Variants in CLEC4C observed in about 807,000 individuals in gnomAD.
CLEC4C encodes C-type lectin domain family 4 member C.
CLEC4C carries 17 observed loss-of-function variants against 27.7 expected under a neutral mutation model. The observed-to-expected ratio is 0.61, with a 90% confidence interval of 0.42 to 0.92. CLEC4C has a LOEUF of 0.92. CLEC4C is among the 40% of genes least tolerant of loss of function. The pLI is 0.00. For missense variants in CLEC4C, 244 were observed against 257.3 expected, an observed-to-expected ratio of 0.95 and a Z score of 0.35; for synonymous variants, 80 against 80.8, an observed-to-expected ratio of 0.99 and a Z score of 0.06.
chr12:7,748,442 C>T (rs1332651981), upstream of CLEC4C, among the ~76,000 whole-genome samples: 1 of 152,020 alleles, frequency 6.6e-6, no homozygotes, highest in Non-Finnish European at 1.5e-5. Context: ...AGGAAAATTG[C>T]TTGAACCCGG....
chr12:7,748,354 C>T (rs1314211370), upstream of CLEC4C, among the ~76,000 whole-genome samples: 2 of 152,002 alleles, frequency 1.3e-5, no homozygotes, highest in Non-Finnish European at 2.9e-5. Context: ...GGTGAAACCC[C>T]GTTTCTACTA....
chr12:7,741,351 G>T, intron 3 of CLEC4C, 70 bp downstream of exon 3: 1 of 861,476 alleles, frequency 1.2e-6, no homozygotes, highest in Non-Finnish European at 2.0e-6. Context: ...TAGTGCTGAA[G>T]ATATAAACCA....
chr12:7,741,548 G>T lies in CLEC4C; in HGVS notation c.125-17C>A, dbSNP rs375630589. On this transcript the variant is annotated splice_polypyrimidine_tract_variant and intron_variant, in intron 2 of 5. Transcript: ENST00000360345. ...TGTGAGGCACTGGGAAAGAGAAATC[G>T]GAGTTAGTTCTCATTCTTTTAAGTG... 6.7e-6 allele frequency: 9 copies of T among 1,345,586 alleles called. No individual in the cohort carries two copies. Among genetic ancestry groups the T allele is most frequent in the Non-Finnish European group, 8.6e-6 (8 of 934,852 alleles). The allele number at this position is 1,345,586 out of a possible 1,614,324, so 83.4% of individuals were successfully genotyped here. A position where few individuals can be genotyped will look rare whatever the true frequency, so the allele number is the denominator to read the frequency against.
At chr12:7,743,962 G>A (rs991651388) in intron 2 of CLEC4C, among the ~76,000 whole-genome samples, 4 of 152,152 alleles carry the variant, frequency 2.6e-5, no homozygotes, top group East Asian at 3.9e-4. Flanking sequence ...ATAGTGGAAG[G>A]CAAAGCGGGA....
At chr12:7,731,054 CAGAA>C (rs1189345720) in intron 4 of CLEC4C, 142 bp from the exon 5 acceptor site, 20 of 510,304 alleles carry the variant, frequency 3.9e-5, no homozygotes, top group Non-Finnish European at 6.1e-5. Context: ...TACAAGCAGA[CAGAA>C]AGAGCAGACA....
Position 7,741,466 on chromosome 12 carries a change from A to C in CLEC4C, c.190T>G (p.Tyr64Asp). Residue 64 changes from tyrosine (Y) to aspartate (D), a missense_variant, in exon 3 of 6, where the codon TAT (tyrosine) becomes GAT (aspartate). Coordinates refer to ENST00000360345, the MANE Select transcript of CLEC4C (RefSeq NM_001371390.1). Reference sequence around the variant, plus strand: ...ATGACGCAGGTCAGGCTTGGATGATACTGTTGATACTCTCGTAACTTGGAC... The same window carrying C: ...ATGACGCAGGTCAGGCTTGGATGATCCTGTTGATACTCTCGTAACTTGGAC... ...RLSKLREYQQ[Y>D]HPSLTCVMEG... 1 of 1,612,820 alleles carries C rather than the reference A, an allele frequency of 6.2e-7. No individual in the cohort carries two copies. Among genetic ancestry groups the C allele is most frequent in the Admixed American group, 1.7e-5 (1 of 60,000 alleles).
Position 7,733,266 on chromosome 12 carries a change from T to A in CLEC4C, c.382-2354A>T, listed in dbSNP as rs1241730242. On this transcript the variant is annotated intron_variant, in intron 4 of 5. Transcript: ENST00000360345. ...TATAATCAAATTTTAGAAAGCCAAA[T>A]TTTTTTTTTTTTTTGGAGGTGGAGT... Among the ~76,000 whole-genome samples, 3 of 140,056 alleles carry A rather than the reference T, an allele frequency of 2.1e-5. No homozygotes were observed. In the East Asian group the frequency reaches 6.1e-4, roughly 29 times the overall value. The allele number at this position is 140,056 out of a possible 152,430, so 91.9% of individuals were successfully genotyped here. A position where few individuals can be genotyped will look rare whatever the true frequency, so the allele number is the denominator to read the frequency against.
intron 4 of CLEC4C, among the ~76,000 whole-genome samples, chr12:7,732,778 T>C (rs1165150890): frequency 1.3e-5 from 2 of 150,110 alleles, no homozygotes; most frequent in Admixed American, 6.6e-5. Flanking sequence ...CTGGCTAACA[T>C]GGTGAAACCC....
At chr12:7,741,613 C>T (rs1016182260) in intron 2 of CLEC4C, 82 bp from the exon 3 acceptor site, 14 of 767,040 alleles carry the variant, frequency 1.8e-5, no homozygotes, top group Non-Finnish European at 3.0e-5. Context: ...TGTGGACAGG[C>T]ACAGTGACTC....
In CLEC4C at chr12:7,730,907, G is replaced by A. The variant is rs376414137; in HGVS notation, c.387C>T (p.Phe129=). 57 of 1,541,502 alleles carry A rather than the reference G, an allele frequency of 3.7e-5. No individual in the cohort carries two copies. In the African/African-American group the frequency reaches 7.3e-4, roughly 20 times the overall value. ...VVINTREEQD[F]IIQNLKRNSS... ...AATTTCTTTTCAGATTCTGAATGAT[G>A]AAATCCTGAGGGAAGAAAATGGAAG... The change falls in exon 5 of 6, where the codon TTC becomes TTT. Residue 129 remains phenylalanine, a synonymous_variant. Coordinates refer to ENST00000360345, the MANE Select transcript of CLEC4C (RefSeq NM_001371390.1).
At chr12:7,738,987 T>C (rs1393675789) in intron 3 of CLEC4C, among the ~76,000 whole-genome samples, 1 of 106,436 alleles carries the variant, frequency 9.4e-6, no homozygotes, top group Non-Finnish European at 1.8e-5. Context: ...CAGGCCCCAG[T>C]GTGTGATGTT....
upstream of CLEC4C, among the ~76,000 whole-genome samples, chr12:7,748,167 A>T (rs767924747): frequency 1.3e-5 from 2 of 152,280 alleles, no homozygotes; most frequent in South Asian, 4.1e-4. Flanking sequence ...GACACTGAGA[A>T]AGAAAGAACC....
At chr12:7,734,693 C>T (rs1308977103) in intron 4 of CLEC4C, among the ~76,000 whole-genome samples, 1 of 151,816 alleles carries the variant, frequency 6.6e-6, no homozygotes, top group Non-Finnish European at 1.5e-5. Flanking sequence ...TGATTACAGG[C>T]ATGTGCCACC....
chr12:7,741,854 C>G (rs574249898), intron 2 of CLEC4C, among the ~76,000 whole-genome samples: 1 of 152,018 alleles, frequency 6.6e-6, no homozygotes, highest in Non-Finnish European at 1.5e-5. Context: ...AACCCCGTCT[C>G]TACTAAAAAT....
chr12:7,746,145 G>A (rs1864973110), intron 2 of CLEC4C, among the ~76,000 whole-genome samples, 186 bp downstream of exon 2: 1 of 150,328 alleles, frequency 6.7e-6, no homozygotes, highest in African/African-American at 2.5e-5. Context: ...AACCCGGGAG[G>A]TGAGCTTGCA....
chr12:7,731,956 A>G lies in CLEC4C; in HGVS notation c.382-1044T>C, dbSNP rs575273914. ...GTGACAGAATGAGACTCTGTGTCCAAAAAATGCAAACCCACCCCCTGCCCA... is the reference window on the plus strand; with the variant it reads ...GTGACAGAATGAGACTCTGTGTCCAGAAAATGCAAACCCACCCCCTGCCCA... On this transcript the variant is annotated intron_variant, in intron 4 of 5. Transcript: ENST00000360345. 1.9e-3 allele frequency among the ~76,000 whole-genome samples: 284 copies of G among 152,272 alleles called. 3 individuals carry two copies. The highest frequency in any genetic ancestry group is 7.7e-3 in the South Asian group (37 of 4,818).
intron 4 of CLEC4C, among the ~76,000 whole-genome samples, chr12:7,733,891 T>C (rs979434246): frequency 9.9e-5 from 15 of 151,742 alleles, no homozygotes; most frequent in Non-Finnish European, 1.8e-4. Context: ...TATTTTGTTT[T>C]GTTTTACTTG....
rs147259910 is a variant in CLEC4C at position 7,744,761 on chromosome 12, C to G, written c.124+1570G>C. 5.4e-3 allele frequency among the ~76,000 whole-genome samples: 829 copies of G among 152,136 alleles called. 13 individuals are homozygous for G. Among genetic ancestry groups the G allele is most frequent in the African/African-American group, 0.018 (746 of 41,528 alleles). The stretch of plus-strand genomic sequence containing the variant: ...TCCTGAGTAGCTGGGACCACAGGCA[C>G]ATGCCACCATGCCAAGTTATATTTT... On this transcript the variant is annotated intron_variant, in intron 2 of 5. Coordinates refer to ENST00000360345, the MANE Select transcript of CLEC4C (RefSeq NM_001371390.1).
intron 4 of CLEC4C, among the ~76,000 whole-genome samples, chr12:7,733,529 T>C (rs1052926126): frequency 1.4e-5 from 2 of 145,206 alleles, no homozygotes; most frequent in Non-Finnish European, 3.0e-5. Context: ...TCGCCCAGGC[T>C]AGAGTGCAGT....
Sources: gnomAD v4.1 joint callset for allele counts (sites outside exome capture counted in the v4.1 genomes callset) on GRCh38, gnomAD v4.1.1 for gene constraint, MANE v1.5 for transcripts, NCBI Gene and HGNC (gene_info 2026-07-23, HGNC 2026-07-21) for gene names.